Variants in JCAD observed in about 807,000 individuals in gnomAD.
JCAD encodes junctional cadherin 5-associated protein.
In JCAD, 40 loss-of-function variants were observed where a neutral mutation model predicts 98.0. The ratio of observed to expected loss-of-function variants is 0.41; its 90% confidence interval spans 0.32 to 0.53. The LOEUF is 0.53. JCAD is among the 20% of genes least tolerant of loss of function. JCAD has a pLI of 0.31. For missense variants in JCAD, 1,705 were observed against 1,738.1 expected, an observed-to-expected ratio of 0.98 and a Z score of 0.34; for synonymous variants, 691 against 682.3, an observed-to-expected ratio of 1.01 and a Z score of -0.20.
At chr10:30,047,900 G>A in intron 1 of JCAD, 29 bp from the exon 2 acceptor site, 2 of 1,418,562 alleles carry the variant, frequency 1.4e-6, no homozygotes, top group Non-Finnish European at 1.9e-6. Flanking sequence ...CTCTATTTGT[G>A]ACTAGGTCTC....
chr10:30,032,461 A>G (rs545026705), intron 2 of JCAD, among the ~76,000 whole-genome samples: 2 of 152,350 alleles, frequency 1.3e-5, no homozygotes, highest in South Asian at 4.1e-4. Flanking sequence ...ATCAGAGACT[A>G]GGGCCATGTA....
At position 30,029,846 on chromosome 10, in the gene JCAD, G is replaced by A; in HGVS notation, c.302C>T (p.Ser101Leu). 6.2e-7 allele frequency: 1 copy of A among 1,613,892 alleles called. No homozygotes were observed. The highest frequency in any genetic ancestry group is 8.5e-7 in the Non-Finnish European group (1 of 1,179,908). The change falls in exon 3 of 4, where the codon TCA (serine) becomes TTA (leucine). Residue 101 changes from serine to leucine, a missense_variant. Coordinates refer to ENST00000375377, the MANE Select transcript of JCAD (RefSeq NM_020848.4). ...SEAGFCNQPPSAWSSHPPTGN... is the reference protein window; with the variant it reads ...SEAGFCNQPPLAWSSHPPTGN... ...AGTCGGGGGATGAGAGGACCATGCT[G>A]AGGGGGGTTGATTACAAAACCTACA... is the stretch of plus-strand genomic sequence containing the variant.
chr10:30,097,366 C>G (rs1367169869), intron 1 of JCAD, among the ~76,000 whole-genome samples: 1 of 152,078 alleles, frequency 6.6e-6, no homozygotes, highest in Non-Finnish European at 1.5e-5. Flanking sequence ...CCCAAGGCAC[C>G]ATAAAGCCCA....
intron 1 of JCAD, among the ~76,000 whole-genome samples, chr10:30,093,456 G>T (rs1474025332): frequency 4.6e-5 from 7 of 152,232 alleles, no homozygotes; most frequent in Non-Finnish European, 1.0e-4. Context: ...GCTGCCTGTG[G>T]AGAGGTACGA....
At chr10:30,025,215 T>C (rs949587692) in intron 3 of JCAD, among the ~76,000 whole-genome samples, 1 of 151,768 alleles carries the variant, frequency 6.6e-6, no homozygotes, top group Non-Finnish European at 1.5e-5. Context: ...CTTTTCCCCT[T>C]ACTGTAAAAG....
intron 3 of JCAD, among the ~76,000 whole-genome samples, chr10:30,023,227 A>C (rs963448069): frequency 3.3e-5 from 5 of 152,016 alleles, no homozygotes; most frequent in Non-Finnish European, 7.4e-5. Context: ...TAGTAGAGAC[A>C]GGTTTTCACC....
intron 2 of JCAD, among the ~76,000 whole-genome samples, chr10:30,033,725 A>G (rs1387417404): frequency 6.6e-6 from 1 of 152,180 alleles, no homozygotes; most frequent in African/African-American, 2.4e-5. Context: ...TGAAACTGGG[A>G]GGTGCAAGGC....
At chr10:30,088,067 T>C (rs1838194612) in intron 1 of JCAD, among the ~76,000 whole-genome samples, 1 of 152,204 alleles carries the variant, frequency 6.6e-6, no homozygotes, top group African/African-American at 2.4e-5. Flanking sequence ...TCTTGATCTC[T>C]TGACCTCATG....
chr10:30,059,442 T>G lies in JCAD; in HGVS notation c.-60+40A>C, dbSNP rs1278880549. 1.3e-5 allele frequency: 2 copies of G among 151,564 alleles called. No individual in the cohort carries two copies. Among genetic ancestry groups the G allele is most frequent in the African/African-American group, 4.8e-5 (2 of 41,336 alleles). The allele number at this position is 151,564 out of a possible 1,614,324, so 9.4% of individuals were successfully genotyped here. On this transcript the variant is annotated intron_variant, in intron 1 of 3. Coordinates refer to ENST00000375377, the MANE Select transcript of JCAD (RefSeq NM_020848.4). This position sits in a 1 kb window ranked among gnomAD's most constrained non-coding sequence, Gnocchi z 5.0. ...CGAAGCGCCGTGGGAGCGGCCCTAA[T>G]GGACGGTGGGAGCCAGGAGGGTTAG...
intron 1 of JCAD, among the ~76,000 whole-genome samples, chr10:30,071,944 ATAT>A (rs1837899873): frequency 6.6e-6 from 1 of 152,222 alleles, no homozygotes; most frequent in Non-Finnish European, 1.5e-5. Context: ...ACAGAGGTTA[ATAT>A]TATAAGCTCC....
intron 1 of JCAD, among the ~76,000 whole-genome samples, chr10:30,107,286 A>T (rs765477587): frequency 7.9e-5 from 12 of 152,344 alleles, no homozygotes; most frequent in Admixed American, 5.2e-4. Context: ...ATAAAACAGC[A>T]TGAGGTAAAG....
At chr10:30,042,012 A>T (rs1016482664) in intron 2 of JCAD, among the ~76,000 whole-genome samples, 1 of 152,024 alleles carries the variant, frequency 6.6e-6, no homozygotes, top group Non-Finnish European at 1.5e-5. Flanking sequence ...TTCAGCAGGC[A>T]AGCTTTGGAC....
In JCAD at chr10:30,029,031, G is replaced by A; in HGVS notation, c.1117C>T (p.Gln373Ter). The change falls in exon 3 of 4, where the codon CAG (glutamine) becomes TAG (stop). Residue 373 changes from glutamine (Q) to a stop codon, truncating the protein, a stop_gained. Transcript: ENST00000375377. LOFTEE classifies it high-confidence loss of function. ...CCAGCCTTCTCGGTCGGAGACTGCT[G>A]TTGACTGTGACCGCCACACACATTT... ...PINVCGGHSQ[Q>*]QSPTEKAGAS... 6.2e-7 allele frequency: 1 copy of A among 1,614,128 alleles called. No homozygotes were observed. Among genetic ancestry groups the A allele is most frequent in the Non-Finnish European group, 8.5e-7 (1 of 1,180,030 alleles).
Position 30,015,045 on chromosome 10 carries a change from G to T in JCAD, c.*2838C>A, listed in dbSNP as rs1345151060. 6.6e-6 allele frequency: 1 copy of T among 152,124 alleles called. No individual in the cohort carries two copies. Among genetic ancestry groups the T allele is most frequent in the African/African-American group, 2.4e-5 (1 of 41,422 alleles). 9.4% of individuals were successfully genotyped at this position (152,124 alleles called of 1,614,324 possible). ...TTGAAAGTGATAATATAGATATTTGGTTTTCAGTCATTCAGAAATTTTCTT... is the reference window on the plus strand; with the variant it reads ...TTGAAAGTGATAATATAGATATTTGTTTTTCAGTCATTCAGAAATTTTCTT... On this transcript the variant is annotated 3_prime_UTR_variant, in exon 4 of 4. Transcript: ENST00000375377.
chr10:30,027,943 T>G lies in JCAD; in HGVS notation c.2205A>C (p.Ala735=), dbSNP rs3739996. ...TCTGTTTGTGATCACCGGTAGGGAA[T>G]GCTGTGTGCGTCTGAGCTTCGGAGG... ...PAASEAQTHT[A]FPTGDHKQRP... The change falls in exon 3 of 4, where the codon GCA becomes GCC. Residue 735 remains alanine, a synonymous_variant. Coordinates refer to ENST00000375377, the MANE Select transcript of JCAD (RefSeq NM_020848.4). The G allele has an allele frequency of 6.2e-7, 1 of 1,614,016 alleles. No homozygotes were observed. The highest frequency in any genetic ancestry group is 1.1e-5 in the South Asian group (1 of 91,086).
intron 3 of JCAD, among the ~76,000 whole-genome samples, chr10:30,023,822 C>A (rs1159291669): frequency 6.6e-6 from 1 of 151,936 alleles, no homozygotes; most frequent in Non-Finnish European, 1.5e-5. Flanking sequence ...TTTTTAGATA[C>A]CTACTGGACC....
At position 30,026,540 on chromosome 10, in the gene JCAD, T is replaced by C; in HGVS notation, c.3608A>G (p.Gln1203Arg). 6.2e-7 allele frequency: 1 copy of C among 1,614,244 alleles called. No homozygotes were observed. Among genetic ancestry groups the C allele is most frequent in the Non-Finnish European group, 8.5e-7 (1 of 1,180,046 alleles). The part of the protein sequence containing the change: ...PSPLESKFFE[Q>R]KDVETKPPFR... ...GGGTGGTTTTGTTTCCACATCCTTT[T>C]GTTCGAAGAACTTGGACTCCAAGGG... is the stretch of plus-strand genomic sequence containing the variant. The change falls in exon 3 of 4, where the codon CAA becomes CGA. Residue 1203 changes from glutamine to arginine, a missense_variant. Around this residue, in one of 3 missense-constraint regions of JCAD, gnomAD observed 1,278 missense variants for 1,243.1 expected, o/e 1.03. Coordinates refer to ENST00000375377, the MANE Select transcript of JCAD (RefSeq NM_020848.4).
chr10:30,097,463 C>T (rs892065232), intron 1 of JCAD, among the ~76,000 whole-genome samples: 7 of 152,122 alleles, frequency 4.6e-5, no homozygotes, highest in African/African-American at 1.2e-4. Context: ...AGAAAAGAGA[C>T]GCAGGGCCTG....
chr10:30,088,232 AGT>A (rs1838197235), intron 1 of JCAD, among the ~76,000 whole-genome samples: 2 of 152,214 alleles, frequency 1.3e-5, no homozygotes, highest in Non-Finnish European at 2.9e-5. Context: ...AGAAATAGGA[AGT>A]CAGTCTGACT....
Sources: allele counts gnomAD v4.1 joint callset (sites outside exome capture counted in the v4.1 genomes callset), GRCh38; gene constraint gnomAD v4.1.1; regional missense constraint gnomAD v4.1.1; non-coding constraint Gnocchi (gnomAD v3.1); transcripts MANE v1.5; gene names NCBI Gene and HGNC (gene_info 2026-07-23, HGNC 2026-07-21).